Variants in XXYLT1 observed in about 807,000 individuals in gnomAD.
The protein encoded by XXYLT1 is UDP-xylose:alpha-xyloside alpha-1,3-xylosyltransferase.
In XXYLT1, 20 loss-of-function variants were observed where a neutral mutation model predicts 28.9. That is an observed-to-expected ratio of 0.69 (90% confidence interval 0.49 to 1.00). The LOEUF (loss-of-function observed/expected upper bound fraction) is 1.00, where lower values mean the gene tolerates loss of function less well. Among genes scored for constraint, XXYLT1 ranks in the 50% least tolerant of loss-of-function variants. The pLI is 0.00. For synonymous variants in XXYLT1, 257 were observed against 253.8 expected (o/e 1.01, Z -0.12); for missense variants, 542 against 560.1 (o/e 0.97, Z 0.33).
chr3:195,172,287 A>G (rs187705962), intron 2 of XXYLT1, among the ~76,000 whole-genome samples: 4 of 152,318 alleles, frequency 2.6e-5, no homozygotes, highest in Admixed American at 6.5e-5. Flanking sequence ...GCTGGAATAA[A>G]AACAGAAACA....
chr3:195,164,818 C>A (rs898283546), intron 2 of XXYLT1, among the ~76,000 whole-genome samples: 1 of 152,156 alleles, frequency 6.6e-6, no homozygotes, highest in Non-Finnish European at 1.5e-5. Context: ...TCTGTGGGTC[C>A]TTGACTACAA....
intron 2 of XXYLT1, among the ~76,000 whole-genome samples, chr3:195,188,239 G>T (rs190976061): frequency 6.6e-6 from 1 of 152,358 alleles, no homozygotes; most frequent in African/African-American, 2.4e-5. Context: ...AGAAAATCCA[G>T]GGAGTGAGGC....
intron 3 of XXYLT1, among the ~76,000 whole-genome samples, chr3:195,103,292 A>C (rs1275074797): frequency 2.0e-5 from 3 of 151,924 alleles, no homozygotes; most frequent in Non-Finnish European, 4.4e-5. Flanking sequence ...ACAGGAGTGC[A>C]GGAATGCACC....
chr3:195,188,492 G>C (rs1191775420), intron 2 of XXYLT1, among the ~76,000 whole-genome samples: 1 of 152,190 alleles, frequency 6.6e-6, no homozygotes, highest in Non-Finnish European at 1.5e-5. Context: ...TATGAGTGCA[G>C]AATTGCTGCT....
intron 1 of XXYLT1, among the ~76,000 whole-genome samples, chr3:195,253,911 T>A (rs1725376359): frequency 6.6e-6 from 1 of 152,194 alleles, no homozygotes; most frequent in Non-Finnish European, 1.5e-5. Flanking sequence ...CAAACGCTGC[T>A]CAGCAAATTC....
At chr3:195,205,023 G>C (rs763539921) in intron 2 of XXYLT1, among the ~76,000 whole-genome samples, 10 of 152,228 alleles carry the variant, frequency 6.6e-5, no homozygotes, top group Non-Finnish European at 7.3e-5. Context: ...CTCTGGTTTA[G>C]AAGGGACTTG....
intron 3 of XXYLT1, among the ~76,000 whole-genome samples, chr3:195,105,133 G>A (rs1265747939): frequency 6.6e-6 from 1 of 152,202 alleles, no homozygotes; most frequent in African/African-American, 2.4e-5. Flanking sequence ...GTTCATAATG[G>A]TCAAATACTA....
At chr3:195,238,560 C>G (rs1724650156) in intron 1 of XXYLT1, among the ~76,000 whole-genome samples, 1 of 152,200 alleles carries the variant, frequency 6.6e-6, no homozygotes, top group Non-Finnish European at 1.5e-5. Context: ...GTGAACTGCA[C>G]TTTGGGCAAG....
In XXYLT1 at chr3:195,187,254, G is replaced by A. The variant is rs12496400; in HGVS notation, c.653-30673C>T. 2.0e-3 allele frequency among the ~76,000 whole-genome samples: 229 copies of A among 114,080 alleles called. 4 individuals carry two copies. Among genetic ancestry groups the A allele is most frequent in the African/African-American group, 8.4e-3 (143 of 16,948 alleles). 74.8% of individuals were successfully genotyped at this position (114,080 alleles called of 152,430 possible). ...CTCCATCTCAAAAAAAAAAAAAAAA[G>A]ATAGAGACGGGGTTTCACCATATTT... is the stretch of plus-strand genomic sequence containing the variant. On this transcript the variant is annotated intron_variant, in intron 2 of 3. Transcript: ENST00000310380.
intron 3 of XXYLT1, among the ~76,000 whole-genome samples, chr3:195,110,448 AAAGTGTGTGTGG>A (rs1717563644): frequency 2.6e-5 from 2 of 78,092 alleles, no homozygotes; most frequent in African/African-American, 1.0e-4. Flanking sequence ...TATGTGGTGT[AAAGTGTGTGTGG>A]TGTGTGGGTG....
chr3:195,251,210 G>C (rs922290111), intron 1 of XXYLT1, among the ~76,000 whole-genome samples: 1 of 152,222 alleles, frequency 6.6e-6, no homozygotes, highest in African/African-American at 2.4e-5. Context: ...GCTCCCCAAG[G>C]CTCAAGCCTA....
chr3:195,204,476 A>ACACTCTCT (rs1553821520), intron 2 of XXYLT1, among the ~76,000 whole-genome samples: 1 of 125,864 alleles, frequency 7.9e-6, no homozygotes, highest in African/African-American at 2.8e-5. Context: ...TCACTCTCTC[A>ACACTCTCT]CTCTCTCTCT....
At chr3:195,243,221 G>A (rs1290522163) in intron 1 of XXYLT1, among the ~76,000 whole-genome samples, 1 of 151,828 alleles carries the variant, frequency 6.6e-6, no homozygotes, top group Non-Finnish European at 1.5e-5. Flanking sequence ...GGGGTGGGGG[G>A]AAGGGGGAAG....
chr3:195,259,321 A>T (rs952325084), intron 1 of XXYLT1, among the ~76,000 whole-genome samples: 1 of 152,278 alleles, frequency 6.6e-6, no homozygotes, highest in African/African-American at 2.4e-5. Flanking sequence ...AGAACAGGCA[A>T]GTAGTTAGAG....
intron 2 of XXYLT1, among the ~76,000 whole-genome samples, chr3:195,194,714 T>C (rs1049486385): frequency 6.6e-6 from 1 of 152,134 alleles, no homozygotes; most frequent in Non-Finnish European, 1.5e-5. Flanking sequence ...AATGGAACAC[T>C]GTGTAACAAA....
chr3:195,217,487 A>C (rs1723627008), intron 2 of XXYLT1, among the ~76,000 whole-genome samples: 1 of 43,802 alleles, frequency 2.3e-5, no homozygotes, highest in Non-Finnish European at 4.2e-5. Context: ...AAATCAATGT[A>C]CAAAAATCAC....
At chr3:195,151,514 A>C (rs1011579532) in intron 3 of XXYLT1, among the ~76,000 whole-genome samples, 1 of 152,086 alleles carries the variant, frequency 6.6e-6, no homozygotes, top group African/African-American at 2.4e-5. Context: ...TGGGCAACAG[A>C]GAGAGACTCT....
intron 1 of XXYLT1, among the ~76,000 whole-genome samples, chr3:195,251,168 G>T (rs753676226): frequency 2.2e-4 from 33 of 152,318 alleles, no homozygotes; most frequent in Middle Eastern, 6.8e-3. Flanking sequence ...GCTGCCCCGC[G>T]GGCAGGTCCC....
chr3:195,113,082 G>C (rs903305), intron 3 of XXYLT1, among the ~76,000 whole-genome samples: 34,834 of 152,156 alleles, frequency 0.23, 4,747 homozygotes, highest in Admixed American at 0.34. Context: ...TCCATACCCA[G>C]AGGCTGTGTG....
Sources: allele counts gnomAD v4.1 joint callset (sites outside exome capture counted in the v4.1 genomes callset), GRCh38; gene constraint gnomAD v4.1.1; transcripts MANE v1.5; gene names NCBI Gene and HGNC (gene_info 2026-07-23, HGNC 2026-07-21).